GNAZ: variants seen among roughly 807,000 people sequenced by gnomAD.
GNAZ encodes the protein guanine nucleotide-binding protein G(z) subunit alpha.
A neutral mutation model predicts 25.4 loss-of-function variants in GNAZ; 3 were observed. The ratio of observed to expected loss-of-function variants is 0.12; its 90% CI spans 0.05 to 0.30. The LOEUF is 0.30. Among genes scored for constraint, GNAZ ranks in the 10% least tolerant of loss-of-function variants. The pLI, the probability that GNAZ is intolerant of heterozygous loss-of-function variation, is 1.00. For missense variants in GNAZ, 241 were observed against 501.8 expected (o/e 0.48, Z 4.97); for synonymous variants, 211 against 205.7 (o/e 1.03, Z -0.22).
At chr22:23,101,624 C>T (rs2069305107) in intron 2 of GNAZ, among the ~76,000 whole-genome samples, 1 of 152,222 alleles carries the variant, frequency 6.6e-6, no homozygotes, top group South Asian at 2.1e-4. Context: ...GCCCTTTTCC[C>T]GACACACACA....
chr22:23,083,168 G>C (rs977131624), intron 1 of GNAZ, among the ~76,000 whole-genome samples: 3 of 152,162 alleles, frequency 2.0e-5, no homozygotes, highest in Non-Finnish European at 4.4e-5. Flanking sequence ...AGCTCGGAGA[G>C]GGGCAGGTGT....
chr22:23,103,199 G>A, intron 2 of GNAZ, among the ~76,000 whole-genome samples: 1 of 152,192 alleles, frequency 6.6e-6, no homozygotes. Flanking sequence ...TGAGCTGTTT[G>A]ACATTATATT....
intron 1 of GNAZ, among the ~76,000 whole-genome samples, chr22:23,080,248 T>G (rs2068638053): frequency 6.6e-6 from 1 of 152,198 alleles, no homozygotes; most frequent in African/African-American, 2.4e-5. Context: ...CAGGCGACAC[T>G]ATCACCCTTT....
At chr22:23,091,698 G>A (rs953135280) in intron 1 of GNAZ, among the ~76,000 whole-genome samples, 4 of 150,544 alleles carry the variant, frequency 2.7e-5, no homozygotes, top group African/African-American at 9.8e-5. Context: ...ACACACACAC[G>A]CACCGCAATG....
intron 1 of GNAZ, among the ~76,000 whole-genome samples, chr22:23,073,358 A>C (rs955597469): frequency 7.2e-5 from 11 of 152,244 alleles, no homozygotes; most frequent in Non-Finnish European, 2.9e-5. Context: ...GCAGAATCCC[A>C]GAGCAGAGGC....
intron 1 of GNAZ, among the ~76,000 whole-genome samples, chr22:23,086,528 C>T (rs572457899): frequency 2.0e-5 from 3 of 152,314 alleles, no homozygotes; most frequent in Non-Finnish European, 2.9e-5. Context: ...CTCAGCCACC[C>T]GAGCAGGCAC....
chr22:23,114,168 G>A (rs1006958714), intron 2 of GNAZ, among the ~76,000 whole-genome samples: 1 of 152,206 alleles, frequency 6.6e-6, no homozygotes, highest in African/African-American at 2.4e-5. Context: ...CTGCAGGCTG[G>A]GTGGCCGCAG....
intron 1 of GNAZ, among the ~76,000 whole-genome samples, chr22:23,079,696 G>A (rs1292915928): frequency 6.6e-6 from 1 of 152,240 alleles, no homozygotes; most frequent in East Asian, 1.9e-4. Context: ...AAGTCATACT[G>A]CTGCAAAACA....
intron 1 of GNAZ, among the ~76,000 whole-genome samples, chr22:23,084,271 C>T (rs540743580): frequency 6.6e-6 from 1 of 152,328 alleles, no homozygotes; most frequent in Non-Finnish European, 1.5e-5. Flanking sequence ...AGAAGCCTTA[C>T]TTTGAGTACT....
intron 1 of GNAZ, among the ~76,000 whole-genome samples, chr22:23,079,046 T>G (rs1020246515): frequency 5.9e-5 from 9 of 152,156 alleles, no homozygotes; most frequent in African/African-American, 7.2e-5. Context: ...GGCCTGGGAT[T>G]GATTTATTGG....
At chr22:23,108,554 A>G (rs527293973) in intron 2 of GNAZ, among the ~76,000 whole-genome samples, 1 of 152,334 alleles carries the variant, frequency 6.6e-6, no homozygotes, top group Non-Finnish European at 1.5e-5. Context: ...ACAGGGGGCA[A>G]CCCCAGAGCA....
intron 2 of GNAZ, 142 bp downstream of exon 2, chr22:23,096,560 C>A: frequency 1.2e-6 from 1 of 855,246 alleles, no homozygotes; most frequent in Middle Eastern, 2.4e-4. Context: ...ATAACTGAGG[C>A]AGCTCCAGCA....
intron 2 of GNAZ, among the ~76,000 whole-genome samples, chr22:23,106,111 C>G (rs956646012): frequency 1.3e-5 from 2 of 152,178 alleles, no homozygotes; most frequent in African/African-American, 4.8e-5. Flanking sequence ...ACGTGACTCC[C>G]GCCACATATC....
chr22:23,109,646 G>A (rs2069587298), intron 2 of GNAZ, among the ~76,000 whole-genome samples: 1 of 152,160 alleles, frequency 6.6e-6, no homozygotes, highest in African/African-American at 2.4e-5. Flanking sequence ...AGCTGGAACA[G>A]AGCCCTCCGT....
At chr22:23,098,243 G>A (rs1263384596) in intron 2 of GNAZ, among the ~76,000 whole-genome samples, 2 of 152,218 alleles carry the variant, frequency 1.3e-5, no homozygotes, top group African/African-American at 4.8e-5. Flanking sequence ...AGCTTGTAAT[G>A]ATCCTGATCC....
intron 1 of GNAZ, among the ~76,000 whole-genome samples, chr22:23,076,747 A>C (rs562469031): frequency 7.9e-5 from 12 of 152,236 alleles, no homozygotes; most frequent in Non-Finnish European, 1.3e-4. Flanking sequence ...GGGATGAGCC[A>C]AGACCCTGAA....
In GNAZ at chr22:23,079,164, C is replaced by T. The variant is rs534566946; in HGVS notation, c.-450+8594C>T. 1.3e-3 allele frequency among the ~76,000 whole-genome samples: 193 copies of T among 152,358 alleles called. 1 individual carries two copies. Among genetic ancestry groups the T allele is most frequent in the African/African-American group, 4.4e-3 (185 of 41,582 alleles). On this transcript the variant is annotated intron_variant, in intron 1 of 2. Coordinates refer to ENST00000615612, the MANE Select transcript of GNAZ (RefSeq NM_002073.4). Reference sequence around the variant, plus strand: ...GTGGGAAAGAGGTGGGCGATAAACACTCTAAGTAAATTATACAGTGTGCTA... The same window carrying T: ...GTGGGAAAGAGGTGGGCGATAAACATTCTAAGTAAATTATACAGTGTGCTA...
At chr22:23,085,411 G>C (rs1213621542) in intron 1 of GNAZ, among the ~76,000 whole-genome samples, 1 of 152,196 alleles carries the variant, frequency 6.6e-6, no homozygotes. Flanking sequence ...GGAGAGCAAA[G>C]TATTGATCAT....
chr22:23,100,741 T>G (rs2069277707), intron 2 of GNAZ, among the ~76,000 whole-genome samples: 1 of 152,080 alleles, frequency 6.6e-6, no homozygotes, highest in South Asian at 2.1e-4. Flanking sequence ...CGGGAGGCGG[T>G]AGGCTTGGGA....
Sources: gnomAD v4.1 joint callset for allele counts (sites outside exome capture counted in the v4.1 genomes callset) on GRCh38, gnomAD v4.1.1 for gene constraint, MANE v1.5 for transcripts, NCBI Gene and HGNC (gene_info 2026-07-23, HGNC 2026-07-21) for gene names.